PTPRU: variants seen among roughly 807,000 people sequenced by gnomAD.
The protein encoded by PTPRU is receptor-type tyrosine-protein phosphatase U.
A neutral mutation model predicts 166.3 loss-of-function variants in PTPRU; 69 were observed. That is an observed-to-expected ratio of 0.41 (90% CI 0.34 to 0.51). The LOEUF (loss-of-function observed/expected upper bound fraction) is 0.51. Ranked by LOEUF, PTPRU falls within the 20% of genes least tolerant of loss-of-function variation. The probability of loss-of-function intolerance (pLI) is 0.09; values close to 1 mark genes in which losing one functional copy is unlikely to be tolerated. For synonymous variants in PTPRU, 793 were observed against 814.0 expected (o/e 0.97, Z 0.44); for missense variants, 1,657 against 2,013.7 (o/e 0.82, Z 3.39).
rs1214413620 is a variant in PTPRU at position 29,260,546 on chromosome 1, G to A, written c.851-64G>A. 8.0e-7 allele frequency: 1 copy of A among 1,245,918 alleles called. No homozygotes were observed. Among genetic ancestry groups the A allele is most frequent in the Non-Finnish European group, 1.1e-6 (1 of 923,532 alleles). 77.2% of individuals were successfully genotyped at this position (1,245,918 alleles called of 1,614,324 possible). A position where few individuals can be genotyped will look rare whatever the true frequency, so the allele number is the denominator to read the frequency against. ...AGGGATTTGGGTGTGGTGGAACTCA[G>A]AGTTGGGTGCTGGGGTCTCACAGCA... is the stretch of plus-strand genomic sequence containing the variant. On this transcript the variant is annotated intron_variant, in intron 6 of 29. Transcript: ENST00000373779. This position sits in a 1 kb window ranked among gnomAD's most constrained non-coding sequence, Gnocchi z 8.3.
At chr1:29,263,251 C>T (rs1685152051) in intron 7 of PTPRU, among the ~76,000 whole-genome samples, 1 of 152,352 alleles carries the variant, frequency 6.6e-6, no homozygotes, top group South Asian at 2.1e-4. Flanking sequence ...TCCCAAAGTG[C>T]TGGGATTACA....
Position 29,315,315 on chromosome 1 carries a change from T to G in PTPRU, c.3228-57T>G. 6.2e-7 allele frequency: 1 copy of G among 1,607,008 alleles called. No homozygotes were observed. Among genetic ancestry groups the G allele is most frequent in the Non-Finnish European group, 8.5e-7 (1 of 1,175,726 alleles). On this transcript the variant is annotated intron_variant, in intron 22 of 29. Transcript: ENST00000373779. The surrounding 1 kb of genome is among the most constrained non-coding windows in gnomAD (Gnocchi z 4.5). ...CAGTGCCCTCCTCTCTTCTTCTCCTTAGTCCCGGGCTTCCTCCCCAAAGCT... is the reference window on the plus strand; with the variant it reads ...CAGTGCCCTCCTCTCTTCTTCTCCTGAGTCCCGGGCTTCCTCCCCAAAGCT...
intron 7 of PTPRU, among the ~76,000 whole-genome samples, chr1:29,263,717 G>A (rs1329242382): frequency 6.6e-6 from 1 of 152,030 alleles, no homozygotes; most frequent in Non-Finnish European, 1.5e-5. Flanking sequence ...TTGTGATTTT[G>A]ATTTGCATTA....
intron 7 of PTPRU, among the ~76,000 whole-genome samples, chr1:29,268,662 G>C (rs768569342): frequency 2.0e-5 from 3 of 152,258 alleles, no homozygotes; most frequent in African/African-American, 4.8e-5. Context: ...AAATGCATGT[G>C]AAGTATAGCG....
chr1:29,325,194 C>CG lies in PTPRU; in HGVS notation c.4121dup (p.Gly1375ArgfsTer185). ...AGCTTTTGCATCTCTCATTCAGAAA[C>CG]GGGGGAGGACGCAGCGGCACCTTCT... On this transcript the variant is annotated frameshift_variant, in exon 29 of 30. Coordinates refer to ENST00000373779, the MANE Select transcript of PTPRU (RefSeq NM_133178.4). LOFTEE classifies it high-confidence loss of function. 1.2e-6 allele frequency: 2 copies of CG among 1,614,122 alleles called. No individual in the cohort carries two copies. The highest frequency in any genetic ancestry group is 8.5e-7 in the Non-Finnish European group (1 of 1,179,978).
intron 14 of PTPRU, chr1:29,289,806 C>T: frequency 7.0e-7 from 1 of 1,438,138 alleles, no homozygotes; most frequent in Non-Finnish European, 9.6e-7. Flanking sequence ...TCTCGCTGCA[C>T]CCAGCCTGGC....
chr1:29,273,786 T>C (rs1464549738), intron 7 of PTPRU, among the ~76,000 whole-genome samples: 7 of 152,126 alleles, frequency 4.6e-5, no homozygotes, highest in Non-Finnish European at 4.4e-5. Context: ...GCACCTCCCT[T>C]CTGCTGGGGT....
intron 28 of PTPRU, 123 bp from the exon 29 acceptor site, chr1:29,325,068 T>C: frequency 2.2e-6 from 3 of 1,352,794 alleles, no homozygotes; most frequent in Non-Finnish European, 3.1e-6. Context: ...GCCCCACCCT[T>C]CTAGATTCCC....
At chr1:29,277,151 A>AGT (rs1225381915) in intron 8 of PTPRU, among the ~76,000 whole-genome samples, 29 of 152,250 alleles carry the variant, frequency 1.9e-4, no homozygotes, top group African/African-American at 6.7e-4. Context: ...CCCAGGCTGG[A>AGT]GTGCAGTGGC....
Position 29,248,955 on chromosome 1 carries a change from A to G in PTPRU, c.74-6320A>G, listed in dbSNP as rs147932603. Among the ~76,000 whole-genome samples the G allele has an allele frequency of 2.0e-5, 3 of 152,260 alleles. No homozygotes were observed. The East Asian group carries it at 5.8e-4, about 29-fold the overall frequency. On this transcript the variant is annotated intron_variant, in intron 1 of 29. Transcript: ENST00000373779. ...TCACGTGCACACTCACGCAACTGCAACCGGTCATCTGACCTTAGCGGTCCC... is the reference window on the plus strand; with the variant it reads ...TCACGTGCACACTCACGCAACTGCAGCCGGTCATCTGACCTTAGCGGTCCC...
intron 12 of PTPRU, chr1:29,283,701 C>T (rs886476479): frequency 3.7e-6 from 2 of 535,508 alleles, no homozygotes; most frequent in Non-Finnish European, 3.3e-6. Flanking sequence ...TTCCCCAAGA[C>T]GTTTGTTTCT....
intron 7 of PTPRU, among the ~76,000 whole-genome samples, chr1:29,274,474 C>T (rs530879113): frequency 6.6e-6 from 1 of 152,276 alleles, no homozygotes; most frequent in African/African-American, 2.4e-5. Flanking sequence ...CCAGGGAACC[C>T]ACCACTGAAT....
At chr1:29,244,875 GCGTGCGGTCATC>G (rs1479535942) in intron 1 of PTPRU, among the ~76,000 whole-genome samples, 2 of 152,184 alleles carry the variant, frequency 1.3e-5, no homozygotes, top group African/African-American at 4.8e-5. Flanking sequence ...GTATTTGCAT[GCGTGCGGTCATC>G]CTGTGTGCCC....
At chr1:29,308,070 T>C (rs1227618248) in intron 18 of PTPRU, among the ~76,000 whole-genome samples, 1 of 152,072 alleles carries the variant, frequency 6.6e-6, no homozygotes, top group Non-Finnish European at 1.5e-5. Context: ...TTTTTAGCCT[T>C]TTAAAATTAA....
chr1:29,247,721 C>T (rs1201904211), intron 1 of PTPRU, among the ~76,000 whole-genome samples: 2 of 152,220 alleles, frequency 1.3e-5, no homozygotes, highest in Non-Finnish European at 2.9e-5. Flanking sequence ...TGTGGCAGCT[C>T]TACTGCTAAC....
chr1:29,316,243 A>G, intron 24 of PTPRU, 92 bp downstream of exon 24: 1 of 1,421,242 alleles, frequency 7.0e-7, no homozygotes, highest in Admixed American at 2.0e-5. Flanking sequence ...TTGAGGGCCA[A>G]GAAGCAGGGA....
Position 29,315,598 on chromosome 1 carries a change from G to C in PTPRU, c.3363+91G>C. 1 of 1,558,074 alleles carries C rather than the reference G, an allele frequency of 6.4e-7. No homozygotes were observed. The highest frequency in any genetic ancestry group is 8.8e-7 in the Non-Finnish European group (1 of 1,139,506). On this transcript the variant is annotated intron_variant, in intron 23 of 29. Coordinates refer to ENST00000373779, the MANE Select transcript of PTPRU (RefSeq NM_133178.4). The surrounding 1 kb of genome is among the most constrained non-coding windows in gnomAD (Gnocchi z 4.5). Reference sequence around the variant, plus strand: ...CTGGAGCCGGCAGAGCATGCCCAAAGGGTGTCCTGAGGCTCTTGCCTTCCC... The same window carrying C: ...CTGGAGCCGGCAGAGCATGCCCAAACGGTGTCCTGAGGCTCTTGCCTTCCC...
At chr1:29,298,814 C>T (rs1476306398) in intron 15 of PTPRU, among the ~76,000 whole-genome samples, 1 of 152,170 alleles carries the variant, frequency 6.6e-6, no homozygotes, top group Non-Finnish European at 1.5e-5. Flanking sequence ...GAGCAAGTAG[C>T]TTAACTCTTC....
intron 15 of PTPRU, among the ~76,000 whole-genome samples, chr1:29,298,074 G>A (rs868314232): frequency 2.0e-5 from 3 of 151,936 alleles, no homozygotes; most frequent in Non-Finnish European, 1.5e-5. Context: ...CCTGGCTAAC[G>A]TGGTGAAACC....
Sources: gnomAD v4.1 joint callset for allele counts (sites outside exome capture counted in the v4.1 genomes callset) on GRCh38, gnomAD v4.1.1 for gene constraint, Gnocchi (gnomAD v3.1) non-coding constraint, MANE v1.5 for transcripts, NCBI Gene and HGNC (gene_info 2026-07-23, HGNC 2026-07-21) for gene names.